The following GTF2IRD1 variants were observed in gnomAD, a reference collection of about 807,000 sequenced individuals.
GTF2IRD1 encodes the protein GTF2I repeat domain containing 1, also known as general transcription factor II-I repeat domain-containing protein 1.
GTF2IRD1 carries 26 observed loss-of-function variants against 113.2 expected under a neutral mutation model. The observed-to-expected ratio is 0.23, with a 90% CI of 0.17 to 0.32. The LOEUF is 0.32. Ranked by LOEUF, GTF2IRD1 falls within the 10% of genes least tolerant of loss-of-function variation. GTF2IRD1 has a pLI of 1.00. For synonymous variants in GTF2IRD1, 484 were observed against 529.1 expected (o/e 0.91, Z 1.17); for missense variants, 864 against 1,280.8 (o/e 0.67, Z 4.97).
rs1798831704 is a variant in GTF2IRD1 at position 74,544,819 on chromosome 7, C to T, written c.1666+17C>T. On this transcript the variant is annotated intron_variant, in intron 15 of 26. Transcript: ENST00000424337. ...CCGTGGAGGGTGAGGCCCTGTCTAC[C>T]CCTGACATTTTACACCCACCCCCAC... 1.9e-6 allele frequency: 3 copies of T among 1,609,380 alleles called. No individual in the cohort carries two copies. The highest frequency in any genetic ancestry group is 2.6e-6 in the Non-Finnish European group (3 of 1,175,898).
At chr7:74,510,369 C>T (rs892366506) in intron 2 of GTF2IRD1, among the ~76,000 whole-genome samples, 8 of 149,890 alleles carry the variant, frequency 5.3e-5, no homozygotes, top group Non-Finnish European at 8.9e-5. Context: ...TGCAATGGCG[C>T]GATCTTGGCT....
intron 1 of GTF2IRD1, among the ~76,000 whole-genome samples, chr7:74,463,043 G>A (rs570515334): frequency 3.9e-5 from 6 of 152,278 alleles, no homozygotes; most frequent in African/African-American, 7.2e-5. Context: ...CTGGTGGTGC[G>A]TCTCTGGTCT....
chr7:74,519,793 G>C, intron 6 of GTF2IRD1, 74 bp downstream of exon 6: 1 of 1,127,904 alleles, frequency 8.9e-7, no homozygotes, highest in Non-Finnish European at 1.3e-6. Flanking sequence ...AGCCTCCCAG[G>C]GCAGGTCAGG....
At chr7:74,596,875 G>A (rs1583990517) in intron 25 of GTF2IRD1, among the ~76,000 whole-genome samples, 1 of 152,014 alleles carries the variant, frequency 6.6e-6, no homozygotes, top group Non-Finnish European at 1.5e-5. Flanking sequence ...TGCATTCAGG[G>A]TGGTATGGCT....
At position 74,512,570 on chromosome 7, in the gene GTF2IRD1, T is replaced by TA. The variant is rs1554343269; in HGVS notation, c.124-259dup. Among the ~76,000 whole-genome samples, 1 of 152,138 alleles carries TA rather than the reference T, an allele frequency of 6.6e-6. No individual in the cohort carries two copies. The highest frequency in any genetic ancestry group is 1.5e-5 in the Non-Finnish European group (1 of 68,008). On this transcript the variant is annotated intron_variant, in intron 2 of 26. Coordinates refer to ENST00000424337, the MANE Select transcript of GTF2IRD1 (RefSeq NM_005685.4). This position sits in a 1 kb window ranked among gnomAD's most constrained non-coding sequence, Gnocchi z 4.4. ...CCTGGGGCTGGGGCTAAGGGGGGCC[T>TA]ACCCCAAGGAGGAGGACCTTGGAGG...
In GTF2IRD1 at chr7:74,555,738, C is replaced by G. The variant is rs587648705; in HGVS notation, c.2023+244C>G. On this transcript the variant is annotated intron_variant, in intron 19 of 26. Coordinates refer to ENST00000424337, the MANE Select transcript of GTF2IRD1 (RefSeq NM_005685.4). The surrounding 1 kb of genome is among the most constrained non-coding windows in gnomAD (Gnocchi z 5.3). ...GGGAGCCCAGGAGCCTGCCTGCCCC[C>G]TCCCTGCCCCACCCCCCAGAGGTAG... is the stretch of plus-strand genomic sequence containing the variant. 2.0e-5 allele frequency among the ~76,000 whole-genome samples: 3 copies of G among 152,184 alleles called. No individual in the cohort carries two copies. Among genetic ancestry groups the G allele is most frequent in the Non-Finnish European group, 4.4e-5 (3 of 68,042 alleles).
At chr7:74,483,263 G>A (rs143617773) in intron 1 of GTF2IRD1, among the ~76,000 whole-genome samples, 12 of 152,202 alleles carry the variant, frequency 7.9e-5, no homozygotes, top group African/African-American at 2.6e-4. Flanking sequence ...TATTTAGGCC[G>A]GTCACAGTGG....
intron 22 of GTF2IRD1, among the ~76,000 whole-genome samples, 176 bp downstream of exon 22, chr7:74,559,831 G>C (rs1554358543): frequency 6.6e-6 from 1 of 151,898 alleles, no homozygotes; most frequent in Non-Finnish European, 1.5e-5. Flanking sequence ...CCAGGCTGGA[G>C]TGCAGTGGCT....
intron 17 of GTF2IRD1, among the ~76,000 whole-genome samples, chr7:74,554,374 T>A (rs1490850029): frequency 1.1e-4 from 17 of 152,164 alleles, no homozygotes; most frequent in Admixed American, 1.1e-3. Flanking sequence ...TGGACAGGGC[T>A]TTCTGGAGTC....
At position 74,545,758 on chromosome 7, in the gene GTF2IRD1, G is replaced by A. The variant is rs782076022; in HGVS notation, c.1681G>A (p.Val561Met). The stretch of plus-strand genomic sequence containing the variant: ...TTGCCTTCCAGACAGCCACGGTGAC[G>A]TGATCCGGCCCCTGCGGAAGCAGGT... Reference protein sequence around the residue: ...ERPVEDSHGDVIRPLRKQVEL... With the variant: ...ERPVEDSHGDMIRPLRKQVEL... The change falls in exon 16 of 27, where the codon GTG (valine) becomes ATG (methionine). Residue 561 changes from valine (V) to methionine (M), a missense_variant. Around this residue, in one of 7 missense-constraint regions of GTF2IRD1, gnomAD observed 218 missense variants for 352.6 expected, o/e 0.62. Coordinates refer to ENST00000424337, the MANE Select transcript of GTF2IRD1 (RefSeq NM_005685.4). 6 of 1,612,666 alleles carry A rather than the reference G, an allele frequency of 3.7e-6. No individual in the cohort carries two copies. The highest frequency in any genetic ancestry group is 5.1e-6 in the Non-Finnish European group (6 of 1,179,778).
chr7:74,532,819 G>A (rs959864621), intron 9 of GTF2IRD1, among the ~76,000 whole-genome samples: 11 of 152,116 alleles, frequency 7.2e-5, no homozygotes, highest in African/African-American at 2.7e-4. Flanking sequence ...TTAATTTCCT[G>A]CTGGGTCCTC....
chr7:74,582,107 T>G (rs1801452135), intron 22 of GTF2IRD1, among the ~76,000 whole-genome samples: 1 of 152,226 alleles, frequency 6.6e-6, no homozygotes, highest in African/African-American at 2.4e-5. Context: ...GTGGGCGAGC[T>G]GTCTCGGTTG....
Position 74,519,506 on chromosome 7 carries a change from C to G in GTF2IRD1, c.703C>G (p.Gln235Glu). 1 of 1,610,854 alleles carries G rather than the reference C, an allele frequency of 6.2e-7. No homozygotes were observed. Among genetic ancestry groups the G allele is most frequent in the Non-Finnish European group, 8.5e-7 (1 of 1,178,592 alleles). ...KGSRDCGLHG[Q>E]APKVPPQDLP... ...GTCACGGGACTGTGGCCTGCATGGC[C>G]AGGCCCCCAAGGTGCCACCCCAGGA... is the stretch of plus-strand genomic sequence containing the variant. Residue 235 changes from glutamine (Q) to glutamate (E), a missense_variant, in exon 6 of 27, where the codon CAG becomes GAG. This residue lies in a region of GTF2IRD1 where 195 missense variants were observed against 196.6 expected (regional missense o/e 0.99). Transcript: ENST00000424337.
At chr7:74,540,083 A>G in intron 14 of GTF2IRD1, 115 bp downstream of exon 14, 1 of 707,822 alleles carries the variant, frequency 1.4e-6, no homozygotes, top group Non-Finnish European at 2.5e-6. Flanking sequence ...TCTGTAGTAG[A>G]GGAAACCCAA....
chr7:74,544,801 G>A lies in GTF2IRD1; in HGVS notation c.1665G>A (p.Glu555=), dbSNP rs1401257721. ...EDARPEERPV[E]DSHGDVIRPL... is the part of the protein sequence containing the mutation. ...CGCGGCCCGAGGAGAGGCCCGTGGAGGGTGAGGCCCTGTCTACCCCTGACA... is the reference window on the plus strand; with the variant it reads ...CGCGGCCCGAGGAGAGGCCCGTGGAAGGTGAGGCCCTGTCTACCCCTGACA... The change falls in exon 15 of 27, where the codon GAG becomes GAA. Residue 555 remains glutamate (E), a splice_region_variant and synonymous_variant. Coordinates refer to ENST00000424337, the MANE Select transcript of GTF2IRD1 (RefSeq NM_005685.4). 6.2e-7 allele frequency: 1 copy of A among 1,613,362 alleles called. No individual in the cohort carries two copies. Among genetic ancestry groups the A allele is most frequent in the Non-Finnish European group, 8.5e-7 (1 of 1,179,388 alleles).
In GTF2IRD1 at chr7:74,601,060, T is replaced by A; in HGVS notation, c.2646T>A (p.Ile882=). The change falls in exon 26 of 27, where the codon ATT becomes ATA. Residue 882 remains isoleucine, a synonymous_variant. Coordinates refer to ENST00000424337, the MANE Select transcript of GTF2IRD1 (RefSeq NM_005685.4). ...DAKVPAKDSS[I]PKRKRKRVSE... ...TCCTTCCAGCCAAAGACAGCAGCAT[T>A]CCCAAGCGCAAGAGAAAGCGGGTCT... The A allele has an allele frequency of 6.2e-7, 1 of 1,614,054 alleles. No homozygotes were observed. Among genetic ancestry groups the A allele is most frequent in the South Asian group, 1.1e-5 (1 of 91,080 alleles).
chr7:74,554,679 T>C (rs1799496511), intron 17 of GTF2IRD1, among the ~76,000 whole-genome samples: 2 of 152,090 alleles, frequency 1.3e-5, no homozygotes, highest in Non-Finnish European at 2.9e-5. Flanking sequence ...GCTGGGATTA[T>C]AGGCACCTGC....
chr7:74,459,633 A>G (rs1292915324), intron 1 of GTF2IRD1, among the ~76,000 whole-genome samples: 1 of 152,136 alleles, frequency 6.6e-6, no homozygotes, highest in Non-Finnish European at 1.5e-5. Context: ...ACCCTCTTTC[A>G]GGACCACCTG....
Position 74,525,611 on chromosome 7 carries a change from C to T in GTF2IRD1, c.1090+1457C>T, listed in dbSNP as rs148638926. 2.0e-4 allele frequency among the ~76,000 whole-genome samples: 30 copies of T among 152,056 alleles called. No individual in the cohort carries two copies. In the East Asian group the frequency reaches 5.6e-3, roughly 28 times the overall value. ...TACAAAAATACAAAAATTAACTGGG[C>T]GTGGCATGGTGGCATGCACCTGTAA... On this transcript the variant is annotated intron_variant, in intron 8 of 26. Transcript: ENST00000424337.
Sources: allele counts gnomAD v4.1 joint callset (sites outside exome capture counted in the v4.1 genomes callset), GRCh38; gene constraint gnomAD v4.1.1; regional missense constraint gnomAD v4.1.1; non-coding constraint Gnocchi (gnomAD v3.1); transcripts MANE v1.5; gene names NCBI Gene and HGNC (gene_info 2026-07-23, HGNC 2026-07-21).